Variants in AFF3 observed in about 807,000 individuals in gnomAD.
The protein encoded by AFF3 is AF4/FMR2 family member 3.
Under a neutral mutation model 129.7 loss-of-function variants are expected in AFF3, and 32 were observed. The observed-to-expected ratio is 0.25, with a 90% CI of 0.19 to 0.33. AFF3 has a LOEUF of 0.33. AFF3 is among the 10% of genes least tolerant of loss of function. The pLI is 1.00. For missense variants in AFF3, 1,373 were observed against 1,592.0 expected, an observed-to-expected ratio of 0.86 and a Z score of 2.34; for synonymous variants, 644 against 635.4, an observed-to-expected ratio of 1.01 and a Z score of -0.20.
intron 2 of AFF3, among the ~76,000 whole-genome samples, chr2:100,108,507 C>T (rs1473227231): frequency 6.6e-6 from 1 of 152,112 alleles, no homozygotes; most frequent in Non-Finnish European, 1.5e-5. Context: ...CGAAGAACTT[C>T]AGTACTTGTG....
At position 99,547,902 on chromosome 2, in the gene AFF3, C is replaced by T. The variant is rs901675353; in HGVS notation, c.*3572G>A. On this transcript the variant is annotated 3_prime_UTR_variant, in exon 25 of 25. Transcript: ENST00000672756. ...GCAGAAAGTCTCATTGCATTGCATT[C>T]CATGTGTTCAATCTAGTACACAATT... 4.7e-6 allele frequency: 1 copy of T among 213,732 alleles called. No homozygotes were observed. The highest frequency in any genetic ancestry group is 9.5e-6 in the Non-Finnish European group (1 of 105,434). The allele number at this position is 213,732 out of a possible 1,614,324, so 13.2% of individuals were successfully genotyped here.
At chr2:99,705,325 T>C (rs953368985) in intron 11 of AFF3, among the ~76,000 whole-genome samples, 6 of 151,868 alleles carry the variant, frequency 4.0e-5, no homozygotes, top group Admixed American at 2.0e-4. Context: ...TGGGAAAATA[T>C]GGAAATGTTA....
chr2:99,715,937 G>T (rs1362138717), intron 11 of AFF3, among the ~76,000 whole-genome samples: 1 of 152,156 alleles, frequency 6.6e-6, no homozygotes, highest in Non-Finnish European at 1.5e-5. Flanking sequence ...CTCCCAAAGT[G>T]CTGGGATTAC....
intron 12 of AFF3, among the ~76,000 whole-genome samples, chr2:99,666,991 G>A (rs1378272813): frequency 6.6e-6 from 1 of 152,116 alleles, no homozygotes. Flanking sequence ...ATTAGATAGA[G>A]CAATGAGACA....
intron 10 of AFF3, among the ~76,000 whole-genome samples, chr2:99,728,019 G>C (rs925254689): frequency 1.3e-5 from 2 of 152,194 alleles, no homozygotes; most frequent in African/African-American, 4.8e-5. Flanking sequence ...CATCTGAAAG[G>C]CTAGTTAAGG....
chr2:100,137,522 C>T (rs72819181), intron 1 of AFF3, among the ~76,000 whole-genome samples: 17,447 of 146,590 alleles, frequency 0.12, 1,220 homozygotes, highest in Non-Finnish European at 0.14. Flanking sequence ...CATGTGTGCA[C>T]GTGCACACGT....
intron 13 of AFF3, among the ~76,000 whole-genome samples, chr2:99,643,751 T>A (rs1684436617): frequency 6.6e-6 from 1 of 152,218 alleles, no homozygotes; most frequent in Non-Finnish European, 1.5e-5. Context: ...CCCACCTTGC[T>A]ATGGACCATT....
At chr2:99,854,773 G>A (rs1372985660) in intron 7 of AFF3, among the ~76,000 whole-genome samples, 2 of 150,452 alleles carry the variant, frequency 1.3e-5, no homozygotes, top group African/African-American at 4.8e-5. Flanking sequence ...TATTATAACT[G>A]GAAATATGAA....
chr2:100,011,231 G>GCAGTGAGCCGAGATTGCA (rs1487007272), intron 4 of AFF3, among the ~76,000 whole-genome samples: 10 of 152,244 alleles, frequency 6.6e-5, no homozygotes, highest in Admixed American at 5.2e-4. Flanking sequence ...CCGAGATTGC[G>GCAGTGAGCCGAGATTGCA]CCACTGCACT....
chr2:99,672,263 C>G (rs1336486256), intron 12 of AFF3, among the ~76,000 whole-genome samples: 2 of 151,336 alleles, frequency 1.3e-5, no homozygotes, highest in African/African-American at 4.9e-5. Flanking sequence ...AAAAAAGGCT[C>G]TGTCTACTTC....
intron 8 of AFF3, among the ~76,000 whole-genome samples, chr2:99,836,772 T>C (rs1487680524): frequency 6.6e-6 from 1 of 152,094 alleles, no homozygotes; most frequent in Non-Finnish European, 1.5e-5. Context: ...TTTTGCCCAG[T>C]GTAGTATCAG....
At chr2:99,963,167 T>A (rs1462103571) in intron 7 of AFF3, among the ~76,000 whole-genome samples, 1 of 151,886 alleles carries the variant, frequency 6.6e-6, no homozygotes, top group Non-Finnish European at 1.5e-5. Flanking sequence ...AGAAAAGAAC[T>A]ATCAACTGAA....
chr2:100,090,416 G>C (rs188504042), intron 4 of AFF3, among the ~76,000 whole-genome samples: 1 of 152,128 alleles, frequency 6.6e-6, no homozygotes, highest in Non-Finnish European at 1.5e-5. Flanking sequence ...ACAACTAATT[G>C]CAAGAAATTA....
chr2:99,972,119 G>A (rs1333263197), intron 7 of AFF3, among the ~76,000 whole-genome samples: 1 of 152,148 alleles, frequency 6.6e-6, no homozygotes, highest in East Asian at 1.9e-4. Flanking sequence ...GGGACCAAAA[G>A]CAGGGGACTA....
intron 8 of AFF3, among the ~76,000 whole-genome samples, chr2:99,799,605 G>T (rs565096431): frequency 6.6e-6 from 1 of 152,112 alleles, no homozygotes; most frequent in East Asian, 1.9e-4. Context: ...TTTTATTTGT[G>T]TGGAAATTGA....
rs369162290 is a variant in AFF3, at chr2:99,752,367, A to G, written c.922-66T>C. ...CAGTATTTAAAATCAGCGGTATGTA[A>G]AGCAGCTGTACAAGTGGGCCTTCAT... On this transcript the variant is annotated intron_variant, in intron 8 of 24. Transcript: ENST00000672756. 6.4e-6 allele frequency: 9 copies of G among 1,405,390 alleles called. No individual in the cohort carries two copies. The African/African-American group carries it at 1.1e-4, about 18-fold the overall frequency. 87.1% of individuals were successfully genotyped at this position (1,405,390 alleles called of 1,614,324 possible). A position where few individuals can be genotyped will look rare whatever the true frequency, so the allele number is the denominator to read the frequency against.
At chr2:99,840,370 G>C (rs1689227156) in intron 7 of AFF3, among the ~76,000 whole-genome samples, 1 of 152,130 alleles carries the variant, frequency 6.6e-6, no homozygotes, top group Non-Finnish European at 1.5e-5. Flanking sequence ...TTATTTTCTT[G>C]TGGATTATTT....
intron 7 of AFF3, among the ~76,000 whole-genome samples, chr2:99,885,386 T>G (rs1262328016): frequency 6.6e-6 from 1 of 152,210 alleles, no homozygotes; most frequent in Non-Finnish European, 1.5e-5. Context: ...CTTGTTTAAG[T>G]CTTATCCATG....
At chr2:99,584,041 C>T (rs974584156) in intron 16 of AFF3, among the ~76,000 whole-genome samples, 2 of 152,010 alleles carry the variant, frequency 1.3e-5, no homozygotes, top group African/African-American at 2.4e-5. Flanking sequence ...GCTATCTCAT[C>T]TGAGCTTGTA....
Sources: gnomAD v4.1 joint callset for allele counts (sites outside exome capture counted in the v4.1 genomes callset) on GRCh38, gnomAD v4.1.1 for gene constraint, MANE v1.5 for transcripts, NCBI Gene and HGNC (gene_info 2026-07-23, HGNC 2026-07-21) for gene names.